Variants in ROBO2 observed in about 807,000 individuals in gnomAD.
ROBO2 encodes the protein roundabout guidance receptor 2, also known as roundabout homolog 2.
Under a neutral mutation model 160.8 loss-of-function variants are expected in ROBO2, and 53 were observed. The ratio of observed to expected loss-of-function variants is 0.33; its 90% CI spans 0.26 to 0.41. The LOEUF is 0.41. Ranked by LOEUF, ROBO2 falls within the 10% of genes least tolerant of loss-of-function variation. ROBO2 has a pLI of 1.00. For synonymous variants in ROBO2, 664 were observed against 611.7 expected (o/e 1.09, Z -1.26); for missense variants, 1,577 against 1,722.4 (o/e 0.92, Z 1.49).
intron 2 of ROBO2, among the ~76,000 whole-genome samples, chr3:76,075,677 C>G (rs2068625551): frequency 6.6e-6 from 1 of 152,148 alleles, no homozygotes; most frequent in Non-Finnish European, 1.5e-5. Context: ...AACAAATGAG[C>G]ATCTAAAATC....
intron 2 of ROBO2, among the ~76,000 whole-genome samples, chr3:77,184,584 G>T (rs2081107455): frequency 6.6e-6 from 1 of 151,988 alleles, no homozygotes; most frequent in African/African-American, 2.4e-5. Flanking sequence ...GTTTGGGTTT[G>T]CACATCAGGG....
chr3:76,659,551 T>C (rs1167931843), intron 2 of ROBO2, among the ~76,000 whole-genome samples: 4 of 152,150 alleles, frequency 2.6e-5, no homozygotes, highest in Admixed American at 6.6e-5. Context: ...TAATGGGCTG[T>C]GCCTTCTCTT....
chr3:77,325,973 A>G (rs2065342872), intron 2 of ROBO2, among the ~76,000 whole-genome samples: 1 of 152,216 alleles, frequency 6.6e-6, no homozygotes, highest in African/African-American at 2.4e-5. Context: ...CTAGATTCAT[A>G]GAATTCTTTC....
At chr3:77,123,898 T>C (rs1049890939) in intron 2 of ROBO2, among the ~76,000 whole-genome samples, 3 of 140,160 alleles carry the variant, frequency 2.1e-5, no homozygotes, top group Non-Finnish European at 4.7e-5. Flanking sequence ...GATACACATA[T>C]CTATGTAGAT....
At chr3:76,214,610 G>A (rs770712107) in intron 2 of ROBO2, among the ~76,000 whole-genome samples, 2 of 152,214 alleles carry the variant, frequency 1.3e-5, no homozygotes. Flanking sequence ...CAGCAAGGCT[G>A]GGGGAAGGGC....
chr3:76,845,518 A>G (rs749735451), intron 2 of ROBO2, among the ~76,000 whole-genome samples: 4 of 151,994 alleles, frequency 2.6e-5, no homozygotes, highest in Non-Finnish European at 5.9e-5. Context: ...AAGATCTCGA[A>G]GTTGCAAAGC....
chr3:76,000,757 AT>A (rs949447492), intron 2 of ROBO2, among the ~76,000 whole-genome samples: 2 of 151,624 alleles, frequency 1.3e-5, no homozygotes, highest in Non-Finnish European at 2.9e-5. Context: ...CCCAAAGTTA[AT>A]TTTTTTATAT....
chr3:76,105,261 C>G, intron 2 of ROBO2, among the ~76,000 whole-genome samples: 1 of 151,812 alleles, frequency 6.6e-6, no homozygotes, highest in East Asian at 1.9e-4. Flanking sequence ...ATTGACAGCG[C>G]TCTGCCAACA....
intron 2 of ROBO2, among the ~76,000 whole-genome samples, chr3:76,028,560 T>C (rs1008295879): frequency 2.0e-5 from 3 of 151,910 alleles, no homozygotes; most frequent in African/African-American, 7.2e-5. Context: ...TAAACAGACA[T>C]TGAAAATCTC....
chr3:77,049,400 AAC>A (rs1216368682), intron 1 of ROBO2, among the ~76,000 whole-genome samples: 1 of 152,194 alleles, frequency 6.6e-6, no homozygotes, highest in Non-Finnish European at 1.5e-5. Flanking sequence ...TAAAAACAAT[AAC>A]AGTCTATTGT....
chr3:76,194,771 C>T (rs891830445), intron 2 of ROBO2, among the ~76,000 whole-genome samples: 3 of 152,084 alleles, frequency 2.0e-5, no homozygotes, highest in Non-Finnish European at 4.4e-5. Context: ...AGGCGCCCGC[C>T]ACCACGCCCA....
chr3:76,487,828 G>GA (rs2079582083), intron 2 of ROBO2, among the ~76,000 whole-genome samples: 1 of 152,174 alleles, frequency 6.6e-6, no homozygotes, highest in African/African-American at 2.4e-5. Context: ...GCTGCTCCTA[G>GA]AAGCTGCCCA....
chr3:77,067,202 C>T (rs555927530), intron 1 of ROBO2, among the ~76,000 whole-genome samples: 1 of 152,236 alleles, frequency 6.6e-6, no homozygotes, highest in Admixed American at 6.5e-5. Flanking sequence ...CTTTGCAAAA[C>T]ATCCTAACTG....
At chr3:76,035,895 G>C (rs900185507) in intron 2 of ROBO2, among the ~76,000 whole-genome samples, 3 of 151,910 alleles carry the variant, frequency 2.0e-5, no homozygotes, top group Admixed American at 1.3e-4. Context: ...CTCTAAAACA[G>C]ACTTAGCTCC....
At chr3:76,197,077 G>A (rs1702294042) in intron 2 of ROBO2, among the ~76,000 whole-genome samples, 1 of 152,150 alleles carries the variant, frequency 6.6e-6, no homozygotes, top group East Asian at 1.9e-4. Flanking sequence ...GTGACAACAA[G>A]GACTTTCTCC....
At chr3:76,790,593 G>A (rs1430578497) in intron 2 of ROBO2, among the ~76,000 whole-genome samples, 1 of 151,656 alleles carries the variant, frequency 6.6e-6, no homozygotes, top group Non-Finnish European at 1.5e-5. Context: ...AGAACATTGT[G>A]TTACCCTACA....
chr3:76,831,945 GTACT>G (rs2067132337), intron 2 of ROBO2, among the ~76,000 whole-genome samples: 1 of 152,128 alleles, frequency 6.6e-6, no homozygotes, highest in Non-Finnish European at 1.5e-5. Context: ...ATAGAAAAGA[GTACT>G]TACTTCTTTA....
At chr3:76,109,914 C>T (rs1326082391) in intron 2 of ROBO2, among the ~76,000 whole-genome samples, 7 of 151,832 alleles carry the variant, frequency 4.6e-5, no homozygotes, top group African/African-American at 1.5e-4. Flanking sequence ...CATGGGAATA[C>T]GTGGTATTTG....
At chr3:77,163,114 G>A (rs1196435992) in intron 2 of ROBO2, among the ~76,000 whole-genome samples, 1 of 152,090 alleles carries the variant, frequency 6.6e-6, no homozygotes, top group Admixed American at 6.5e-5. Context: ...GGGATTACAG[G>A]TGTGAGCCAC....
Sources: gnomAD v4.1 joint callset for allele counts (sites outside exome capture counted in the v4.1 genomes callset) on GRCh38, gnomAD v4.1.1 for gene constraint, MANE v1.5 for transcripts, NCBI Gene and HGNC (gene_info 2026-07-23, HGNC 2026-07-21) for gene names.